The following USP9X variants were observed in gnomAD, a reference collection of about 807,000 sequenced individuals.
USP9X encodes ubiquitin carboxyl-terminal hydrolase 9X.
Under a neutral mutation model 190.3 loss-of-function variants are expected in USP9X, and 7 were observed. That is an observed-to-expected ratio of 0.04 (90% CI 0.02 to 0.07). The LOEUF (loss-of-function observed/expected upper bound fraction) is 0.07. Ranked by LOEUF, USP9X falls within the 10% of genes least tolerant of loss-of-function variation. The pLI is 1.00. For synonymous variants in USP9X, 645 were observed against 659.5 expected, an observed-to-expected ratio of 0.98 and a Z score of 0.34; for missense variants, 1,010 against 1,916.9, an observed-to-expected ratio of 0.53 and a Z score of 8.83.
At chrX:41,115,459 C>A (rs992046347) in intron 1 of USP9X, among the ~76,000 whole-genome samples, 3 of 111,750 alleles carry the variant, frequency 2.7e-5, no homozygotes, top group Admixed American at 1.9e-4. Context: ...ATTCACAAGT[C>A]AAGATTAATT....
rs751404035 is a variant in USP9X, at chrX:41,209,442, A to G, written c.5016-1067A>G. Among the ~76,000 whole-genome samples, 8 of 111,368 alleles carry G rather than the reference A, an allele frequency of 7.2e-5. No individual in the cohort carries two copies. In the East Asian group the frequency reaches 2.0e-3, roughly 27 times the overall value. On this transcript the variant is annotated intron_variant, in intron 32 of 44. Transcript: ENST00000378308. ...ATGTTGAGGGGGTGGGGGCAATAAAACTACATAATTGATGTTTTGTGTTTC... is the reference window on the plus strand; with the variant it reads ...ATGTTGAGGGGGTGGGGGCAATAAAGCTACATAATTGATGTTTTGTGTTTC...
intron 1 of USP9X, among the ~76,000 whole-genome samples, chrX:41,122,808 G>A (rs1774690295): frequency 9.0e-6 from 1 of 111,583 alleles, no homozygotes; most frequent in Non-Finnish European, 1.9e-5. Context: ...AGTGGGATGG[G>A]GAGCTGGAGA....
At chrX:41,101,054 A>C (rs188884500) in intron 1 of USP9X, among the ~76,000 whole-genome samples, 360 of 111,952 alleles carry the variant, frequency 3.2e-3, no homozygotes, top group Middle Eastern at 0.014. Context: ...TAGTGTCTCT[A>C]TAATTATGGG....
chrX:41,206,794 T>G (rs918641783), intron 32 of USP9X, among the ~76,000 whole-genome samples: 1 of 109,133 alleles, frequency 9.2e-6, no homozygotes, highest in African/African-American at 3.3e-5. Context: ...TTTTTTCCCC[T>G]GAGATGGAGT....
At chrX:41,163,414 G>A (rs751815840) in intron 15 of USP9X, among the ~76,000 whole-genome samples, 3 of 105,848 alleles carry the variant, frequency 2.8e-5, no homozygotes, top group Non-Finnish European at 5.8e-5. Flanking sequence ...AATATTTAGC[G>A]TTTGGTGATC....
At position 41,198,562 on chromosome X, in the gene USP9X, A is replaced by C; in HGVS notation, c.4415A>C (p.Asn1472Thr). 1 of 1,208,147 alleles carries C rather than the reference A, an allele frequency of 8.3e-7. No homozygotes were observed. Among genetic ancestry groups the C allele is most frequent in the South Asian group, 1.8e-5 (1 of 55,695 alleles). Residue 1472 changes from asparagine (N) to threonine (T), a missense_variant, in exon 30 of 45, where the codon AAT becomes ACT. By Grantham distance (65) the Asn-to-Thr change is moderately conservative (BLOSUM62 0). This residue lies in a region of USP9X where 351 missense variants were observed against 480.8 expected (regional missense o/e 0.73). Transcript: ENST00000378308. The part of the protein sequence containing the change: ...LIDDFIFPAS[N>T]VYLQYMRNGE... ...GATGATTTCATATTTCCTGCATCCAATGTTTACCTACAGTATATGAGAAAT... is the reference window on the plus strand; with the variant it reads ...GATGATTTCATATTTCCTGCATCCACTGTTTACCTACAGTATATGAGAAAT...
At position 41,098,592 on chromosome X, in the gene USP9X, C is replaced by CAA. The variant is rs2062010216; in HGVS notation, c.-159+12483_-159+12484insAA. ...TGTTTTTTTGAGATGGAGTCTTGCT[C>CAA]TGTTGCCCAGGCTGGAGTGCAGTGG... On this transcript the variant is annotated intron_variant, in intron 1 of 44. Transcript: ENST00000378308. 2.7e-5 allele frequency among the ~76,000 whole-genome samples: 3 copies of CAA among 110,762 alleles called. No homozygotes were observed. In the Admixed American group the frequency reaches 2.9e-4, roughly 11 times the overall value.
chrX:41,112,826 TAG>T (rs2062119969), intron 1 of USP9X, among the ~76,000 whole-genome samples: 1 of 112,765 alleles, frequency 8.9e-6, no homozygotes, highest in African/African-American at 3.2e-5. Flanking sequence ...CTAAAAATAT[TAG>T]AGTCAAGATT....
chrX:41,170,108 G>A lies in USP9X; in HGVS notation c.2750G>A (p.Arg917Gln), dbSNP rs1256436908. ...AATGATACAATTGGTTCAGTACGAC[G>A]ATGTATTCTCAATCGTATTAAAGCC... is the stretch of plus-strand genomic sequence containing the variant. ...HTNDTIGSVR[R>Q]CILNRIKANV... is the part of the protein sequence containing the mutation. The change falls in exon 19 of 45, where the codon CGA becomes CAA. Residue 917 changes from arginine to glutamine, a missense_variant. Coordinates refer to ENST00000378308, the MANE Select transcript of USP9X (RefSeq NM_001039591.3). The A allele has an allele frequency of 3.3e-6, 4 of 1,209,883 alleles. No homozygotes were observed. Among genetic ancestry groups the A allele is most frequent in the Non-Finnish European group, 2.2e-6 (2 of 895,232 alleles).
intron 1 of USP9X, among the ~76,000 whole-genome samples, chrX:41,102,024 G>A (rs2062037718): frequency 9.0e-6 from 1 of 111,278 alleles, no homozygotes; most frequent in South Asian, 3.7e-4. Context: ...ATGGTATGAA[G>A]TTTCTTTTTG....
rs1428423550 is a variant in USP9X at position 41,085,520 on chromosome X, G to C, written c.-748G>C. 6.1e-6 allele frequency: 1 copy of C among 163,785 alleles called. No homozygotes were observed. The highest frequency in any genetic ancestry group is 1.1e-5 in the Non-Finnish European group (1 of 87,969). 13.5% of individuals were successfully genotyped at this position (163,785 alleles called of 1,213,427 possible). On this transcript the variant is annotated 5_prime_UTR_variant, in exon 1 of 45. Transcript: ENST00000378308. ...GCTAGTCTCCGCCGCCGCCGGAGCCGCAACCTCTCCGCACCCGGCCCCGTC... is the reference window on the plus strand; with the variant it reads ...GCTAGTCTCCGCCGCCGCCGGAGCCCCAACCTCTCCGCACCCGGCCCCGTC...
chrX:41,200,345 T>C (rs886604419), intron 30 of USP9X, among the ~76,000 whole-genome samples: 1 of 112,010 alleles, frequency 8.9e-6, no homozygotes, highest in African/African-American at 3.2e-5. Context: ...ATTCCATTTT[T>C]GGCCATGCAG....
Position 41,216,558 on chromosome X carries a change from A to G in USP9X, c.5991A>G (p.Gln1997=), listed in dbSNP as rs2063213168. 1 of 1,209,304 alleles carries G rather than the reference A, an allele frequency of 8.3e-7. No homozygotes were observed. The highest frequency in any genetic ancestry group is 1.1e-6 in the Non-Finnish European group (1 of 894,906). Residue 1997 remains glutamine (Q), a synonymous_variant, in exon 35 of 45, where the codon CAA becomes CAG. Transcript: ENST00000378308. ...GAAGTGTACGGAAACAGAACGTACA[A>G]TTCATGCATAACCGAATGCAGTACA... The part of the protein sequence containing the change: ...IERSVRKQNV[Q]FMHNRMQYSM...
In USP9X at chrX:41,085,968, C is replaced by G. The variant is rs2061906973; in HGVS notation, c.-300C>G. On this transcript the variant is annotated 5_prime_UTR_variant, in exon 1 of 45. Coordinates refer to ENST00000378308, the MANE Select transcript of USP9X (RefSeq NM_001039591.3). ...GCAGCCCCGAGCCCGGCCGCCGCAG[C>G]CTTTCGATACACTTTGTTGCCGGTC... The G allele has an allele frequency of 3.4e-6, 1 of 297,718 alleles. No homozygotes were observed. The highest frequency in any genetic ancestry group is 4.8e-5 in the East Asian group (1 of 20,990). The allele number at this position is 297,718 out of a possible 1,213,427, so 24.5% of individuals were successfully genotyped here.
chrX:41,087,813 A>G (rs189146438), intron 1 of USP9X, among the ~76,000 whole-genome samples: 3 of 111,721 alleles, frequency 2.7e-5, no homozygotes, highest in African/African-American at 6.5e-5. Flanking sequence ...CAGCGTTCTC[A>G]TGTTTCTTTT....
At chrX:41,168,262 G>T in intron 18 of USP9X, 44 bp downstream of exon 18, 1 of 1,051,964 alleles carries the variant, frequency 9.5e-7, no homozygotes, top group South Asian at 2.8e-5. Context: ...TTAATTATTT[G>T]ATATTTTCCT....
chrX:41,119,192 A>G (rs984149470), intron 1 of USP9X, among the ~76,000 whole-genome samples: 1 of 111,285 alleles, frequency 9.0e-6, no homozygotes, highest in Non-Finnish European at 1.9e-5. Context: ...GGATGGAGCC[A>G]GGTGATGAGA....
At chrX:41,146,394 TG>T in intron 11 of USP9X, among the ~76,000 whole-genome samples, 1 of 112,254 alleles carries the variant, frequency 8.9e-6, no homozygotes, top group African/African-American at 3.2e-5. Context: ...TGAGTCACCT[TG>T]TGGTTCTTTG....
intron 1 of USP9X, among the ~76,000 whole-genome samples, chrX:41,094,595 T>C (rs1449839163): frequency 8.9e-6 from 1 of 111,748 alleles, no homozygotes; most frequent in Non-Finnish European, 1.9e-5. Flanking sequence ...TACCTTACTG[T>C]GATTGAATTG....
Sources: allele counts gnomAD v4.1 joint callset (sites outside exome capture counted in the v4.1 genomes callset), GRCh38; gene constraint gnomAD v4.1.1; regional missense constraint gnomAD v4.1.1; transcripts MANE v1.5; gene names NCBI Gene and HGNC (gene_info 2026-07-23, HGNC 2026-07-21).